Variants in RANBP17 observed in about 807,000 individuals in gnomAD.
The protein encoded by RANBP17 is RAN binding protein 17.
In RANBP17, 158 loss-of-function variants were observed where a neutral mutation model predicts 141.2. The ratio of observed to expected loss-of-function variants is 1.12; its 90% CI spans 0.98 to 1.28. RANBP17 has a LOEUF of 1.28. Among genes scored for constraint, RANBP17 ranks in the 50% most tolerant of loss-of-function variants. RANBP17 has a pLI of 0.00. For missense variants in RANBP17, 1,438 were observed against 1,290.7 expected, an observed-to-expected ratio of 1.11 and a Z score of -1.75; for synonymous variants, 430 against 450.0, an observed-to-expected ratio of 0.96 and a Z score of 0.56.
intron 14 of RANBP17, among the ~76,000 whole-genome samples, chr5:170,979,655 C>T (rs951141236): frequency 2.0e-5 from 3 of 152,218 alleles, no homozygotes; most frequent in African/African-American, 7.2e-5. Flanking sequence ...AATTTGCCTG[C>T]TGCCATCCAT....
At chr5:171,017,811 A>T (rs1022118047) in intron 14 of RANBP17, among the ~76,000 whole-genome samples, 1 of 152,190 alleles carries the variant, frequency 6.6e-6, no homozygotes, top group African/African-American at 2.4e-5. Flanking sequence ...TGGCGTTTTC[A>T]TCATGAAGTC....
chr5:170,862,330 G>C (rs561280054), intron 1 of RANBP17, among the ~76,000 whole-genome samples: 1 of 152,308 alleles, frequency 6.6e-6, no homozygotes, highest in South Asian at 2.1e-4. Context: ...CTCGTCCCGG[G>C]GAAGGTGCGG....
intron 25 of RANBP17, among the ~76,000 whole-genome samples, chr5:171,286,842 C>T (rs1329774427): frequency 6.6e-6 from 1 of 152,222 alleles, no homozygotes; most frequent in African/African-American, 2.4e-5. Flanking sequence ...CCTGGGTCTC[C>T]AACCAGGGCA....
intron 24 of RANBP17, among the ~76,000 whole-genome samples, chr5:171,257,741 T>C (rs1459993885): frequency 2.6e-5 from 4 of 152,138 alleles, no homozygotes; most frequent in Admixed American, 1.3e-4. Flanking sequence ...AAATCAATAG[T>C]ATTTCTATAT....
chr5:171,189,738 C>T (rs1415687864), intron 18 of RANBP17, among the ~76,000 whole-genome samples: 3 of 152,244 alleles, frequency 2.0e-5, no homozygotes, highest in South Asian at 2.1e-4. Flanking sequence ...ACTTTATAGA[C>T]GATGATTTGT....
intron 12 of RANBP17, among the ~76,000 whole-genome samples, chr5:170,934,924 T>C (rs1022739851): frequency 6.6e-6 from 1 of 152,218 alleles, no homozygotes; most frequent in South Asian, 2.1e-4. Context: ...CCATTCTCCC[T>C]GTCACTTTCA....
intron 21 of RANBP17, among the ~76,000 whole-genome samples, chr5:171,219,548 T>C (rs2127979377): frequency 6.6e-6 from 1 of 152,288 alleles, no homozygotes; most frequent in Non-Finnish European, 1.5e-5. Flanking sequence ...AGGTTTGGTC[T>C]TTTCACATAG....
chr5:171,111,225 G>T (rs972184519), intron 14 of RANBP17, among the ~76,000 whole-genome samples: 2 of 152,108 alleles, frequency 1.3e-5, no homozygotes, highest in African/African-American at 2.4e-5. Flanking sequence ...ATATTTTGGA[G>T]TAGCATATTC....
rs554891173 is a variant in RANBP17 at position 171,263,623 on chromosome 5, A to G, written c.2777-2058A>G. 4.6e-5 allele frequency among the ~76,000 whole-genome samples: 7 copies of G among 152,308 alleles called. No individual in the cohort carries two copies. In the South Asian group the frequency reaches 6.2e-4, roughly 14 times the overall value. On this transcript the variant is annotated intron_variant, in intron 24 of 27. Transcript: ENST00000523189. ...TGGATGCCCTCAAGTAAGATCCTCA[A>G]CCTGCTCTGTTGGCCTTCTCTTACA...
intron 14 of RANBP17, among the ~76,000 whole-genome samples, chr5:171,043,226 A>G (rs1339401310): frequency 6.6e-6 from 1 of 152,212 alleles, no homozygotes; most frequent in East Asian, 1.9e-4. Context: ...TTTATTTAAA[A>G]TATTTTATTC....
chr5:171,192,982 A>G (rs1462976477), intron 18 of RANBP17, among the ~76,000 whole-genome samples: 1 of 152,240 alleles, frequency 6.6e-6, no homozygotes, highest in African/African-American at 2.4e-5. Flanking sequence ...TTACTGTAAT[A>G]TAACTTAGAA....
chr5:171,168,922 C>T (rs1003581566), intron 14 of RANBP17, among the ~76,000 whole-genome samples: 1 of 152,044 alleles, frequency 6.6e-6, no homozygotes, highest in Non-Finnish European at 1.5e-5. Context: ...TCACCCTCTA[C>T]ACCTAACCCT....
At chr5:171,266,371 A>C (rs1234701449) in intron 25 of RANBP17, among the ~76,000 whole-genome samples, 1 of 152,198 alleles carries the variant, frequency 6.6e-6, no homozygotes, top group Non-Finnish European at 1.5e-5. Context: ...CATCTAACTA[A>C]TAAGTAATAA....
chr5:171,241,025 C>T lies in RANBP17; in HGVS notation c.2520C>T (p.Ala840=), dbSNP rs1335209601. 2 of 1,613,762 alleles carry T rather than the reference C, an allele frequency of 1.2e-6. No individual in the cohort carries two copies. The highest frequency in any genetic ancestry group is 1.7e-6 in the Non-Finnish European group (2 of 1,179,870). Residue 840 remains alanine, a synonymous_variant, in exon 23 of 28, where the codon GCC becomes GCT. Coordinates refer to ENST00000523189, the MANE Select transcript of RANBP17 (RefSeq NM_022897.5). ...ISICYSALKS[A]LCGNYVSFGV... is the part of the protein sequence containing the mutation. ...TCTGCTATTCAGCTCTCAAGTCTGC[C>T]TTGTGTGGAAATTATGTCAGCTTTG... is the stretch of plus-strand genomic sequence containing the variant.
At chr5:171,072,767 T>C (rs1022524078) in intron 14 of RANBP17, among the ~76,000 whole-genome samples, 3 of 152,182 alleles carry the variant, frequency 2.0e-5, no homozygotes, top group Non-Finnish European at 4.4e-5. Context: ...TGAAAACTTT[T>C]GTTCACACAG....
intron 11 of RANBP17, among the ~76,000 whole-genome samples, chr5:170,921,748 C>T (rs1772486405): frequency 6.6e-6 from 1 of 152,076 alleles, no homozygotes; most frequent in African/African-American, 2.4e-5. Flanking sequence ...AGGTTCATAG[C>T]TTCCTTTCAT....
In RANBP17 at chr5:171,206,746, T is replaced by G. The variant is rs72827573; in HGVS notation, c.2231+1134T>G. The G allele has an allele frequency of 6.1e-3, 1,089 of 179,036 alleles. 3 individuals are homozygous for G. Among genetic ancestry groups the G allele is most frequent in the Middle Eastern group, 0.042 (19 of 454 alleles). 11.1% of individuals were successfully genotyped at this position (179,036 alleles called of 1,614,324 possible). On this transcript the variant is annotated intron_variant, in intron 20 of 27. Transcript: ENST00000523189. ...CATGTTTTAGGGAGAACTCTACATATTATAAAAATTTTTAAACATTAATTT... is the reference window on the plus strand; with the variant it reads ...CATGTTTTAGGGAGAACTCTACATAGTATAAAAATTTTTAAACATTAATTT...
intron 14 of RANBP17, among the ~76,000 whole-genome samples, chr5:170,972,221 G>T (rs1015836530): frequency 4.8e-5 from 6 of 124,340 alleles, no homozygotes; most frequent in African/African-American, 1.9e-4. Flanking sequence ...CGCTCTTGCT[G>T]TCCAGGCTGG....
rs139678556 is a variant in RANBP17, at chr5:170,942,889, T to C, written c.1469-10708T>C. Among the ~76,000 whole-genome samples, 562 of 152,318 alleles carry C rather than the reference T, an allele frequency of 3.7e-3. 3 individuals carry two copies. Among genetic ancestry groups the C allele is most frequent in the African/African-American group, 0.013 (525 of 41,584 alleles). ...CATGAATCAGTTAGTTGAAATGTAATAATTTAGTGGTATTACATAGGACTA... is the reference window on the plus strand; with the variant it reads ...CATGAATCAGTTAGTTGAAATGTAACAATTTAGTGGTATTACATAGGACTA... On this transcript the variant is annotated intron_variant, in intron 12 of 27. Coordinates refer to ENST00000523189, the MANE Select transcript of RANBP17 (RefSeq NM_022897.5).
Sources: gnomAD v4.1 joint callset for allele counts (sites outside exome capture counted in the v4.1 genomes callset) on GRCh38, gnomAD v4.1.1 for gene constraint, MANE v1.5 for transcripts, NCBI Gene and HGNC (gene_info 2026-07-23, HGNC 2026-07-21) for gene names.